OR2L13: variants seen among roughly 807,000 people sequenced by gnomAD.
The protein encoded by OR2L13 is olfactory receptor family 2 subfamily L member 13, also known as olfactory receptor 2L13.
In OR2L13, 14 loss-of-function variants were observed where a neutral mutation model predicts 15.3. The ratio of observed to expected loss-of-function variants is 0.91; its 90% CI spans 0.60 to 1.43. The LOEUF is 1.43. OR2L13 is among the 40% of genes most tolerant of loss of function. The pLI is 0.00. For missense variants in OR2L13, 367 were observed against 387.9 expected (o/e 0.95, Z 0.45); for synonymous variants, 152 against 142.9 (o/e 1.06, Z -0.45).
intron 1 of OR2L13, chr1:248,097,357 C>A (rs907480859): frequency 6.6e-6 from 1 of 152,206 alleles, no homozygotes; most frequent in Non-Finnish European, 1.5e-5. Context: ...TATAAGGTAA[C>A]CGACAGAATG....
At chr1:248,015,863 T>A in the OR2L13 span, among the ~76,000 whole-genome samples, 1 of 152,200 alleles carries the variant, frequency 6.6e-6, no homozygotes, top group Non-Finnish European at 1.5e-5. Context: ...GAATAATGAT[T>A]TCTCTTTGAG....
chr1:248,052,457 G>A, the OR2L13 span, among the ~76,000 whole-genome samples: 38 of 152,202 alleles, frequency 2.5e-4, no homozygotes, highest in South Asian at 2.5e-3. Context: ...GGCCTGGTGC[G>A]GTGGCTCATG....
chr1:248,029,200 T>A, the OR2L13 span: 1 of 152,196 alleles, frequency 6.6e-6, no homozygotes, highest in East Asian at 1.9e-4. Context: ...CCACTCCCAC[T>A]GCTTCATCTG....
the OR2L13 span, among the ~76,000 whole-genome samples, chr1:247,996,703 G>A: frequency 5.9e-4 from 90 of 152,188 alleles, 1 homozygote; most frequent in East Asian, 0.016. Context: ...TTCCCTTGAA[G>A]TCTGTCTTCC....
the OR2L13 span, chr1:248,024,326 A>T: frequency 1.3e-5 from 2 of 152,230 alleles, no homozygotes; most frequent in Admixed American, 6.5e-5. Context: ...TATTATAGCA[A>T]TGTAAAATAA....
chr1:247,979,127 A>G, the OR2L13 span, among the ~76,000 whole-genome samples: 7 of 152,176 alleles, frequency 4.6e-5, no homozygotes, highest in Admixed American at 3.3e-4. Context: ...TAAAGAAGAT[A>G]TAAAAACAGT....
At chr1:247,994,742 T>A in the OR2L13 span, among the ~76,000 whole-genome samples, 62 of 152,168 alleles carry the variant, frequency 4.1e-4, no homozygotes, top group Non-Finnish European at 6.9e-4. Context: ...GACAGTGGGT[T>A]TTAAGTGTTC....
chr1:248,007,477 T>G, the OR2L13 span, among the ~76,000 whole-genome samples: 1 of 152,116 alleles, frequency 6.6e-6, no homozygotes, highest in African/African-American at 2.4e-5. Flanking sequence ...AAGAACAACA[T>G]AAAAAGAAGT....
chr1:247,994,054 G>A, the OR2L13 span, among the ~76,000 whole-genome samples: 1 of 152,124 alleles, frequency 6.6e-6, no homozygotes. Flanking sequence ...TTCCTAGGGA[G>A]AATCCCAACC....
At chr1:248,022,046 T>C in the OR2L13 span, 1 of 1,613,980 alleles carries the variant, frequency 6.2e-7, no homozygotes, top group South Asian at 1.1e-5. Flanking sequence ...TTGTTCTCAT[T>C]TTCCTAATGG....
At chr1:247,990,199 A>T in the OR2L13 span, 1 of 616,250 alleles carries the variant, frequency 1.6e-6, no homozygotes, top group Non-Finnish European at 2.9e-6. Flanking sequence ...TCCCCTGCAG[A>T]TAAGGGGGAA....
the OR2L13 span, among the ~76,000 whole-genome samples, chr1:248,064,675 A>T: frequency 1.3e-5 from 2 of 152,148 alleles, no homozygotes; most frequent in African/African-American, 4.8e-5. Flanking sequence ...TCTGTGACAT[A>T]CCACGGCTTT....
chr1:248,022,721 T>C, the OR2L13 span: 50 of 1,614,158 alleles, frequency 3.1e-5, no homozygotes, highest in African/African-American at 6.3e-4. Flanking sequence ...CTTATACCTA[T>C]CTATGTCCAA....
chr1:247,959,376 T>C, the OR2L13 span, among the ~76,000 whole-genome samples: 1 of 152,228 alleles, frequency 6.6e-6, no homozygotes, highest in East Asian at 1.9e-4. Context: ...GCCCTTAACA[T>C]TTTTTCCTTC....
chr1:248,016,706 A>G, the OR2L13 span, among the ~76,000 whole-genome samples: 1 of 151,952 alleles, frequency 6.6e-6, no homozygotes, highest in Non-Finnish European at 1.5e-5. Context: ...AAACGTGTAT[A>G]TAAATGTATA....
chr1:247,963,646 ATAAG>A, the OR2L13 span, among the ~76,000 whole-genome samples: 2 of 152,192 alleles, frequency 1.3e-5, no homozygotes, highest in African/African-American at 4.8e-5. Context: ...TGGCATAGTT[ATAAG>A]TAATTAATAT....
the OR2L13 span, among the ~76,000 whole-genome samples, chr1:247,962,687 C>T: frequency 0.8 from 121,477 of 152,130 alleles, 52,687 homozygotes; most frequent in South Asian, 0.95. Context: ...TAATAAACTG[C>T]TTTGTTAGAA....
At chr1:248,093,926 T>C (rs958564261), upstream of OR2L13, among the ~76,000 whole-genome samples, 24 of 151,570 alleles carry the variant, frequency 1.6e-4, no homozygotes, top group African/African-American at 5.8e-4. Context: ...CAGAGTAGAG[T>C]AGAGTGGGGA....
In OR2L13 at chr1:248,100,282, G is replaced by C. The variant is rs368508366; in HGVS notation, c.907G>C (p.Val303Leu). Reference sequence around the variant, plus strand: ...GGAAGTCCTGGGGGCTATGAGGAGAGTGTTTGGGATATTCTCTTTCCTGAA... The same window carrying C: ...GGAAGTCCTGGGGGCTATGAGGAGACTGTTTGGGATATTCTCTTTCCTGAA... Residue 303 changes from valine to leucine, a missense_variant, in exon 3 of 3, where the codon GTG becomes CTG. Val to Leu is a conservative substitution (Grantham distance 32). Coordinates refer to ENST00000641714, the Ensembl canonical transcript of OR2L13. 1.5e-4 allele frequency: 245 copies of C among 1,609,812 alleles called. 1 individual carries two copies. The highest frequency in any genetic ancestry group is 1.8e-4 in the Non-Finnish European group (217 of 1,176,394).
Sources: allele counts gnomAD v4.1 joint callset (sites outside exome capture counted in the v4.1 genomes callset), GRCh38; gene constraint gnomAD v4.1.1; transcripts MANE v1.5; gene names NCBI Gene and HGNC (gene_info 2026-07-23, HGNC 2026-07-21).